Variants in TYW1B observed in about 807,000 individuals in gnomAD.
TYW1B encodes tRNA-yW synthesizing protein 1 homolog B.
A neutral mutation model predicts 86.9 loss-of-function variants in TYW1B; 73 were observed. The observed-to-expected ratio is 0.84, with a 90% CI of 0.70 to 1.02. The LOEUF is 1.02. Among genes scored for constraint, TYW1B ranks in the 50% least tolerant of loss-of-function variants. The pLI is 0.00. For synonymous variants in TYW1B, 248 were observed against 292.8 expected (o/e 0.85, Z 1.56); for missense variants, 637 against 827.4 (o/e 0.77, Z 2.82).
chr7:72,792,634 A>G (rs1245845652), intron 6 of TYW1B, among the ~76,000 whole-genome samples: 1 of 152,210 alleles, frequency 6.6e-6, no homozygotes, highest in Non-Finnish European at 1.5e-5. Context: ...TTAGGAATTT[A>G]TTCTTCAGAT....
intron 6 of TYW1B, among the ~76,000 whole-genome samples, 161 bp downstream of exon 6, chr7:72,802,239 C>T (rs1788414239): frequency 6.6e-6 from 1 of 152,046 alleles, no homozygotes; most frequent in South Asian, 2.1e-4. Context: ...AGATGCTCAC[C>T]ACGCTCATGA....
intron 11 of TYW1B, among the ~76,000 whole-genome samples, chr7:72,645,356 T>G (rs1585872380): frequency 1.3e-5 from 2 of 152,330 alleles, no homozygotes; most frequent in South Asian, 4.1e-4. Context: ...TGTTCTTATA[T>G]GGCCTTGCGA....
At chr7:72,592,960 A>C (rs1310273501) in intron 13 of TYW1B, among the ~76,000 whole-genome samples, 2 of 152,208 alleles carry the variant, frequency 1.3e-5, no homozygotes, top group Non-Finnish European at 2.9e-5. Context: ...AGACTTCAAT[A>C]CCTCATTCTT....
At chr7:72,818,179 A>C (rs1243897555) in intron 2 of TYW1B, among the ~76,000 whole-genome samples, 2 of 151,906 alleles carry the variant, frequency 1.3e-5, no homozygotes, top group Non-Finnish European at 2.9e-5. Context: ...AAGCTTTGCC[A>C]GAAGCCAAGT....
intron 13 of TYW1B, among the ~76,000 whole-genome samples, chr7:72,579,609 G>A (rs1338388380): frequency 1.3e-5 from 2 of 152,146 alleles, no homozygotes; most frequent in Non-Finnish European, 2.9e-5. Context: ...CATGTACACG[G>A]AAAGTGAGTG....
chr7:72,763,286 T>TC (rs1787717565), intron 7 of TYW1B, among the ~76,000 whole-genome samples: 2 of 122,562 alleles, frequency 1.6e-5, no homozygotes, highest in East Asian at 4.2e-4. Context: ...TCTTTTCTTT[T>TC]TTTTTTTTTT....
chr7:72,687,714 C>T (rs1353678584), intron 11 of TYW1B, among the ~76,000 whole-genome samples: 4 of 151,916 alleles, frequency 2.6e-5, no homozygotes, highest in Non-Finnish European at 4.4e-5. Flanking sequence ...AATTAATCTA[C>T]GATGATAAAA....
rs376343629 is a variant in TYW1B at position 72,766,257 on chromosome 7, G to A, written c.964+11159C>T. ...TGGTTTTCTTTAAGCCTAGATTCAC[G>A]ACTCAAAGCCATTATGCAAACTGAC... On this transcript the variant is annotated intron_variant, in intron 7 of 13. Coordinates refer to ENST00000620995, the MANE Select transcript of TYW1B (RefSeq NM_001145440.3). 1.4e-4 allele frequency among the ~76,000 whole-genome samples: 21 copies of A among 152,270 alleles called. No individual in the cohort carries two copies. The East Asian group carries it at 4.0e-3, about 29-fold the overall frequency.
At chr7:72,641,505 T>C (rs1353500180) in intron 11 of TYW1B, among the ~76,000 whole-genome samples, 2 of 152,174 alleles carry the variant, frequency 1.3e-5, no homozygotes, top group Non-Finnish European at 2.9e-5. Context: ...CAACATCATA[T>C]TAAAATATTT....
chr7:72,656,243 T>A (rs186630797), intron 11 of TYW1B, among the ~76,000 whole-genome samples: 16 of 152,086 alleles, frequency 1.1e-4, no homozygotes, highest in Admixed American at 2.6e-4. Context: ...ATAAAAAGAC[T>A]ACACTGCTGC....
chr7:72,667,031 C>CCAAAAAAAAA (rs1813480714), intron 11 of TYW1B, among the ~76,000 whole-genome samples: 1 of 42,376 alleles, frequency 2.4e-5, no homozygotes, highest in Non-Finnish European at 3.8e-5. Flanking sequence ...GACTCCGTCT[C>CCAAAAAAAAA]AAAAAAAAAA....
chr7:72,638,079 G>C (rs1554441009), intron 11 of TYW1B, among the ~76,000 whole-genome samples: 1 of 150,440 alleles, frequency 6.6e-6, no homozygotes, highest in African/African-American at 2.4e-5. Flanking sequence ...TAAAACTTTT[G>C]TAATGGGGGA....
chr7:72,610,887 C>T (rs1263975703), intron 13 of TYW1B, among the ~76,000 whole-genome samples: 6 of 152,204 alleles, frequency 3.9e-5, no homozygotes, highest in Non-Finnish European at 2.9e-5. Context: ...TGGCACTCCC[C>T]TACCTAAAGC....
chr7:72,599,509 T>C (rs558306484), intron 13 of TYW1B, among the ~76,000 whole-genome samples: 1 of 152,248 alleles, frequency 6.6e-6, no homozygotes, highest in African/African-American at 2.4e-5. Flanking sequence ...ACCATTCCTA[T>C]TCAAGATTAT....
intron 7 of TYW1B, among the ~76,000 whole-genome samples, chr7:72,772,674 C>T (rs1254185391): frequency 6.6e-6 from 1 of 152,122 alleles, no homozygotes; most frequent in Non-Finnish European, 1.5e-5. Context: ...ATTCTGATTT[C>T]AGAAAGCATT....
intron 10 of TYW1B, among the ~76,000 whole-genome samples, chr7:72,696,729 G>A (rs1307176959): frequency 6.6e-6 from 1 of 152,128 alleles, no homozygotes; most frequent in Non-Finnish European, 1.5e-5. Context: ...GTGATATATA[G>A]AAAAATCACA....
At chr7:72,699,090 G>A (rs1814394848) in intron 10 of TYW1B, among the ~76,000 whole-genome samples, 1 of 152,228 alleles carries the variant, frequency 6.6e-6, no homozygotes, top group Non-Finnish European at 1.5e-5. Context: ...TGGGGAAAAT[G>A]TAATGGGTAT....
At chr7:72,733,472 A>C (rs1787148140) in intron 8 of TYW1B, among the ~76,000 whole-genome samples, 1 of 152,142 alleles carries the variant, frequency 6.6e-6, no homozygotes, top group Non-Finnish European at 1.5e-5. Flanking sequence ...ATCCTGGCTA[A>C]TACGGTGAAA....
chr7:72,710,886 G>T (rs13236194), intron 10 of TYW1B, among the ~76,000 whole-genome samples: 5 of 152,304 alleles, frequency 3.3e-5, no homozygotes, highest in African/African-American at 1.2e-4. Context: ...AATAACCGTG[G>T]TCTTAATTTT....
Sources: gnomAD v4.1 joint callset for allele counts (sites outside exome capture counted in the v4.1 genomes callset) on GRCh38, gnomAD v4.1.1 for gene constraint, MANE v1.5 for transcripts, NCBI Gene and HGNC (gene_info 2026-07-23, HGNC 2026-07-21) for gene names.